Variants in PCDHA5 observed in about 807,000 individuals in gnomAD.
PCDHA5 encodes the protein protocadherin alpha 5, also known as protocadherin alpha-5.
PCDHA5 carries 43 observed loss-of-function variants against 61.6 expected under a neutral mutation model. The ratio of observed to expected loss-of-function variants is 0.70; its 90% CI spans 0.55 to 0.90. PCDHA5 has a LOEUF of 0.90. PCDHA5 is among the 40% of genes least tolerant of loss of function. The pLI, the probability that PCDHA5 is intolerant of heterozygous loss-of-function variation, is 0.00. For missense variants in PCDHA5, 1,298 were observed against 1,222.7 expected (o/e 1.06, Z -0.92); for synonymous variants, 627 against 543.9 (o/e 1.15, Z -2.13).
chr5:140,990,838 A>C (rs2097419271), intron 3 of PCDHA5, among the ~76,000 whole-genome samples: 1 of 152,222 alleles, frequency 6.6e-6, no homozygotes, highest in Admixed American at 6.5e-5. Flanking sequence ...CCTATTAGCA[A>C]AAATAGAGCC....
chr5:140,871,329 C>T (rs1164407502), intron 1 of PCDHA5: 3 of 1,614,060 alleles, frequency 1.9e-6, no homozygotes, highest in African/African-American at 2.7e-5. Flanking sequence ...TGTGCTCCCG[C>T]GCGGTGGGGA....
At chr5:140,841,397 G>T in intron 1 of PCDHA5, 3 of 1,613,254 alleles carry the variant, frequency 1.9e-6, no homozygotes, top group Non-Finnish European at 2.5e-6. Flanking sequence ...AGCCTGGAAG[G>T]TGGGGAGCGG....
chr5:140,851,268 G>T lies in PCDHA5; in HGVS notation c.2352+27141G>T, dbSNP rs2042007881. ...TGATGCATAGTATTTTAGTCTACTT[G>T]TATTGTTTATAAGAAACCCAAGCAA... On this transcript the variant is annotated intron_variant, in intron 1 of 3. Transcript: ENST00000529859. 2.8e-6 allele frequency: 3 copies of T among 1,069,204 alleles called. No homozygotes were observed. In the East Asian group the frequency reaches 1.3e-4, roughly 48 times the overall value. 66.2% of individuals were successfully genotyped at this position (1,069,204 alleles called of 1,614,324 possible).
chr5:140,986,792 A>C (rs575794573), intron 3 of PCDHA5, among the ~76,000 whole-genome samples: 1 of 152,220 alleles, frequency 6.6e-6, no homozygotes, highest in Non-Finnish European at 1.5e-5. Context: ...CCACTAAGGC[A>C]GTGAGTCTTA....
At chr5:140,900,373 G>T (rs1225159327) in intron 1 of PCDHA5, among the ~76,000 whole-genome samples, 2 of 152,118 alleles carry the variant, frequency 1.3e-5, no homozygotes, top group Non-Finnish European at 2.9e-5. Flanking sequence ...TGCCTCCTGG[G>T]TTCAAGCGAT....
rs1246166621 is a variant in PCDHA5 at position 140,856,524 on chromosome 5, C to A, written c.2352+32397C>A. On this transcript the variant is annotated intron_variant, in intron 1 of 3. Coordinates refer to ENST00000529859, the MANE Select transcript of PCDHA5 (RefSeq NM_018908.3). ...TTTCCACTAGAAGGCGCATCTGATG[C>A]GGATGTTGGAGAGAACGCATTGCTT... The A allele has an allele frequency of 7.5e-6, 12 of 1,598,178 alleles. 1 individual carries two copies. The Middle Eastern group carries it at 1.2e-3, about 155-fold the overall frequency.
intron 1 of PCDHA5, chr5:140,855,925 C>G (rs1161071214): frequency 2.4e-6 from 3 of 1,240,504 alleles, no homozygotes; most frequent in Non-Finnish European, 3.4e-6. Flanking sequence ...TAGGAAGTAG[C>G]GTCATTCTGA....
Position 140,883,886 on chromosome 5 carries a change from T to G in PCDHA5, c.2352+59759T>G, listed in dbSNP as rs147704126. ...GCAGTTCCAGGTGAGCGCGCGCGAC[T>G]CTGGCGTGCCGCCTCTGGGCAGCAA... On this transcript the variant is annotated intron_variant, in intron 1 of 3. Transcript: ENST00000529859. The G allele has an allele frequency of 2.5e-5, 41 of 1,613,036 alleles. No homozygotes were observed. The African/African-American group carries it at 2.7e-4, about 11-fold the overall frequency.
chr5:140,827,196 A>C (rs2150146637), intron 1 of PCDHA5, among the ~76,000 whole-genome samples: 11 of 152,334 alleles, frequency 7.2e-5, no homozygotes, highest in Non-Finnish European at 1.3e-4. Context: ...AAAACTTGGA[A>C]GTGAGTGAGA....
Position 140,874,848 on chromosome 5 carries a change from T to G in PCDHA5, c.2352+50721T>G, listed in dbSNP as rs143666233. ...GAAATATTGTTTGGTATTAGACATATTTTAGTTTCTTATCCTTTGTTAAAT... is the reference window on the plus strand; with the variant it reads ...GAAATATTGTTTGGTATTAGACATAGTTTAGTTTCTTATCCTTTGTTAAAT... On this transcript the variant is annotated intron_variant, in intron 1 of 3. Transcript: ENST00000529859. Among the ~76,000 whole-genome samples the G allele has an allele frequency of 6.0e-4, 92 of 152,344 alleles. 1 individual carries two copies. The East Asian group carries it at 0.017, about 27-fold the overall frequency.
chr5:140,966,490 T>C lies in PCDHA5; in HGVS notation c.2353-12459T>C, dbSNP rs533525977. 6.2e-5 allele frequency: 27 copies of C among 438,082 alleles called. No individual in the cohort carries two copies. In the Admixed American group the frequency reaches 1.1e-3, roughly 18 times the overall value. The allele number at this position is 438,082 out of a possible 1,614,324, so 27.1% of individuals were successfully genotyped here. On this transcript the variant is annotated intron_variant, in intron 1 of 3. Coordinates refer to ENST00000529859, the MANE Select transcript of PCDHA5 (RefSeq NM_018908.3). ...CCTTCTGTTTCCTTTTCCCTCCCCC[T>C]GGAGCTGTAGCGGCAGCAGCAGCAG... is the stretch of plus-strand genomic sequence containing the variant.
At chr5:140,899,269 A>C (rs1301807291) in intron 1 of PCDHA5, among the ~76,000 whole-genome samples, 2 of 152,260 alleles carry the variant, frequency 1.3e-5, no homozygotes, top group East Asian at 3.9e-4. Context: ...GTCTTGTGGC[A>C]GTTTTCAAAG....
chr5:140,868,980 G>A (rs2050777662), intron 1 of PCDHA5: 2 of 1,489,988 alleles, frequency 1.3e-6, no homozygotes, highest in South Asian at 2.8e-5. Flanking sequence ...CCATCATACC[G>A]GATGCCACCG....
intron 1 of PCDHA5, chr5:140,865,859 A>T (rs1328083716): frequency 1.3e-5 from 2 of 152,318 alleles, no homozygotes; most frequent in East Asian, 3.9e-4. Context: ...CTGCTCAAAC[A>T]TGGTCTCGGC....
intron 1 of PCDHA5, chr5:140,841,829 T>A: frequency 1.2e-6 from 2 of 1,613,898 alleles, no homozygotes; most frequent in Non-Finnish European, 1.7e-6. Flanking sequence ...CGTGTTAACC[T>A]ACAGGCTTAG....
chr5:141,009,132 G>A (rs2098400947), intron 3 of PCDHA5, among the ~76,000 whole-genome samples: 1 of 152,204 alleles, frequency 6.6e-6, no homozygotes, highest in African/African-American at 2.4e-5. Flanking sequence ...GTATCCTGGT[G>A]AAAAAACCTG....
intron 1 of PCDHA5, among the ~76,000 whole-genome samples, chr5:140,917,890 T>C (rs782473137): frequency 1.3e-5 from 2 of 152,098 alleles, no homozygotes; most frequent in Non-Finnish European, 2.9e-5. Context: ...TTTTTTTCCA[T>C]ATGAATGTTA....
intron 1 of PCDHA5, among the ~76,000 whole-genome samples, chr5:140,976,508 G>A (rs1039409709): frequency 6.6e-6 from 1 of 151,976 alleles, no homozygotes; most frequent in Non-Finnish European, 1.5e-5. Context: ...CCAAGATCGC[G>A]CCACTGCACA....
intron 3 of PCDHA5, among the ~76,000 whole-genome samples, chr5:140,992,017 CTGTG>C (rs10602499): frequency 0.28 from 40,265 of 145,404 alleles, 5,754 homozygotes; most frequent in East Asian, 0.38. Flanking sequence ...AGAGGTGGCT[CTGTG>C]TGTGTGTGTG....
Sources: allele counts gnomAD v4.1 joint callset (sites outside exome capture counted in the v4.1 genomes callset), GRCh38; gene constraint gnomAD v4.1.1; transcripts MANE v1.5; gene names NCBI Gene and HGNC (gene_info 2026-07-23, HGNC 2026-07-21).